PCYT1B: variants seen among roughly 807,000 people sequenced by gnomAD.
PCYT1B encodes choline-phosphate cytidylyltransferase B.
PCYT1B carries 10 observed loss-of-function variants against 26.4 expected under a neutral mutation model. The ratio of observed to expected loss-of-function variants is 0.38; its 90% CI spans 0.23 to 0.64. The LOEUF is 0.64. Ranked by LOEUF, PCYT1B falls within the 30% of genes least tolerant of loss-of-function variation. PCYT1B has a pLI of 0.56. For missense variants in PCYT1B, 161 were observed against 292.7 expected (o/e 0.55, Z 3.28); for synonymous variants, 131 against 108.4 (o/e 1.21, Z -1.29).
rs185422746 is a variant in PCYT1B at position 24,588,983 on chromosome X, G to A, written c.486+1040C>T. The stretch of plus-strand genomic sequence containing the variant: ...CAATGTATAATAACAACTTCTCAGG[G>A]TAGCTGTGAGATTGAATTCAATTCA... On this transcript the variant is annotated intron_variant, in intron 4 of 7. Coordinates refer to ENST00000379144, the MANE Select transcript of PCYT1B (RefSeq NM_004845.5). Among the ~76,000 whole-genome samples, 19 of 110,603 alleles carry A rather than the reference G, an allele frequency of 1.7e-4. No individual in the cohort carries two copies. In the East Asian group the frequency reaches 4.8e-3, roughly 28 times the overall value.
chrX:24,620,892 G>A (rs974448219), intron 1 of PCYT1B, among the ~76,000 whole-genome samples: 4 of 111,567 alleles, frequency 3.6e-5, no homozygotes, highest in East Asian at 2.8e-4. Flanking sequence ...CATTAAAGCC[G>A]CTGCTTGCTT....
At chrX:24,637,690 T>C (rs1286603370) in intron 1 of PCYT1B, among the ~76,000 whole-genome samples, 1 of 104,309 alleles carries the variant, frequency 9.6e-6, no homozygotes, top group Non-Finnish European at 1.9e-5. Context: ...TCTTTTTGGA[T>C]CTTTGGGAAA....
At position 24,577,950 on chromosome X, in the gene PCYT1B, TTTA is replaced by T. The variant is rs924808922; in HGVS notation, c.708+1363_708+1365del. 4.5e-5 allele frequency among the ~76,000 whole-genome samples: 5 copies of T among 110,809 alleles called. No homozygotes were observed. The Admixed American group carries it at 4.8e-4, about 11-fold the overall frequency. On this transcript the variant is annotated intron_variant, in intron 6 of 7. Transcript: ENST00000379144. ...TGTTTTGCTTATTTTAAAGATTGTT[TTTA>T]TTATTATTATTATATAAAAATGGCA... is the stretch of plus-strand genomic sequence containing the variant.
chrX:24,617,371 G>GTT (rs201674610), intron 2 of PCYT1B, among the ~76,000 whole-genome samples: 1,218 of 80,199 alleles, frequency 0.015, 12 homozygotes, highest in African/African-American at 0.034. Context: ...TGGTTTGTTT[G>GTT]TTTTTTTTTT....
intron 4 of PCYT1B, among the ~76,000 whole-genome samples, chrX:24,588,727 C>T (rs1190199742): frequency 9.0e-6 from 1 of 111,364 alleles, no homozygotes; most frequent in Non-Finnish European, 1.9e-5. Flanking sequence ...AGCTTTTACC[C>T]ACTAGAAGCC....
chrX:24,590,869 C>T (rs1924540743), intron 3 of PCYT1B, among the ~76,000 whole-genome samples: 1 of 104,024 alleles, frequency 9.6e-6, no homozygotes, highest in Non-Finnish European at 2.0e-5. Context: ...TCTCAGCTCA[C>T]TGCAAGCTTC....
At position 24,579,334 on chromosome X, in the gene PCYT1B, C is replaced by G; in HGVS notation, c.690G>C (p.Leu230=). The G allele has an allele frequency of 8.3e-7, 1 of 1,210,260 alleles. No individual in the cohort carries two copies. Among genetic ancestry groups the G allele is most frequent in the Non-Finnish European group, 1.1e-6 (1 of 894,498 alleles). Residue 230 remains leucine, a synonymous_variant, in exon 6 of 8, where the codon CTG becomes CTC. Coordinates refer to ENST00000379144, the MANE Select transcript of PCYT1B (RefSeq NM_004845.5). ...TGCTTACATTTATAAAGCTGACATT[C>G]AGTTCCTTGGCTGTATACCCTCTCT... ...NLQRGYTAKE[L]NVSFINEKRY... is the part of the protein sequence containing the mutation.
At chrX:24,618,353 C>T (rs1319289887) in intron 2 of PCYT1B, among the ~76,000 whole-genome samples, 1 of 111,866 alleles carries the variant, frequency 8.9e-6, no homozygotes, top group African/African-American at 3.2e-5. Flanking sequence ...ATCACAGAAA[C>T]CTTGTGAGGT....
intron 3 of PCYT1B, among the ~76,000 whole-genome samples, chrX:24,606,299 GA>G (rs1487416710): frequency 9.0e-6 from 1 of 111,383 alleles, no homozygotes; most frequent in Admixed American, 9.6e-5. Flanking sequence ...CCACCCAAAT[GA>G]CCAAAGCCCA....
intron 5 of PCYT1B, among the ~76,000 whole-genome samples, chrX:24,583,884 A>G (rs1289815369): frequency 8.9e-6 from 1 of 112,124 alleles, no homozygotes; most frequent in East Asian, 2.8e-4. Context: ...CTCTGGCCCC[A>G]CCAGACCTAC....
In PCYT1B at chrX:24,579,597, G is replaced by A. The variant is rs1045523265; in HGVS notation, c.566-139C>T. ...GAAGACTTTACGTCTGGCCCCAAGT[G>A]ACTCTTCCACCCTCAGTTCCGTGGA... is the stretch of plus-strand genomic sequence containing the variant. On this transcript the variant is annotated intron_variant, in intron 5 of 7. Transcript: ENST00000379144. The A allele has an allele frequency of 9.8e-5, 49 of 501,915 alleles. No individual in the cohort carries two copies. In the African/African-American group the frequency reaches 1.1e-3, roughly 11 times the overall value. 41.4% of individuals were successfully genotyped at this position (501,915 alleles called of 1,213,427 possible). A position where few individuals can be genotyped will look rare whatever the true frequency, so the allele number is the denominator to read the frequency against.
chrX:24,611,523 C>T (rs1032700192), intron 2 of PCYT1B, among the ~76,000 whole-genome samples: 7 of 111,304 alleles, frequency 6.3e-5, no homozygotes, highest in Non-Finnish European at 1.1e-4. Flanking sequence ...CGTGGAGAGA[C>T]GTTAAGGTGG....
intron 2 of PCYT1B, among the ~76,000 whole-genome samples, chrX:24,613,506 T>C (rs748749546): frequency 8.9e-6 from 1 of 111,926 alleles, no homozygotes; most frequent in Non-Finnish European, 1.9e-5. Flanking sequence ...TTAAGTAAAT[T>C]ACATCACAGA....
chrX:24,585,439 A>G (rs1924338785), intron 5 of PCYT1B, among the ~76,000 whole-genome samples: 1 of 111,877 alleles, frequency 8.9e-6, no homozygotes, highest in Non-Finnish European at 1.9e-5. Context: ...TATGGAAGGA[A>G]GCCAAGATTT....
In PCYT1B at chrX:24,561,679, C is replaced by T. The variant is rs992557991; in HGVS notation, c.*614G>A. 16 of 150,948 alleles carry T rather than the reference C, an allele frequency of 1.1e-4. No homozygotes were observed. The highest frequency in any genetic ancestry group is 4.0e-4 in the African/African-American group (13 of 32,451). 12.4% of individuals were successfully genotyped at this position (150,948 alleles called of 1,213,427 possible). ...TTTGAATAAAAAGTTAAGGTTCACA[C>T]TAGATGACCTTTTATAACCAGCCTA... On this transcript the variant is annotated 3_prime_UTR_variant, in exon 8 of 8. Transcript: ENST00000379144.
At chrX:24,626,185 TG>T (rs1925878700) in intron 1 of PCYT1B, among the ~76,000 whole-genome samples, 3 of 111,974 alleles carry the variant, frequency 2.7e-5, no homozygotes, top group Admixed American at 1.9e-4. Flanking sequence ...ATTAGTCACA[TG>T]GGGCTATTTA....
rs1314239671 is a variant in PCYT1B, at chrX:24,561,282, G to A, written c.*1011C>T. On this transcript the variant is annotated 3_prime_UTR_variant, in exon 8 of 8. Transcript: ENST00000379144. ...ACCACTATATACTCATATTGCACAT[G>A]GGATACACCCGGGGATGACATATTG... is the stretch of plus-strand genomic sequence containing the variant. 1 of 111,833 alleles carries A rather than the reference G, an allele frequency of 8.9e-6. No homozygotes were observed. The highest frequency in any genetic ancestry group is 3.3e-5 in the African/African-American group (1 of 30,613). The allele number at this position is 111,833 out of a possible 1,213,427, so 9.2% of individuals were successfully genotyped here.
chrX:24,647,122 C>T lies in PCYT1B; in HGVS notation c.-17G>A, dbSNP rs1272016243. On this transcript the variant is annotated 5_prime_UTR_variant, in exon 1 of 8. Coordinates refer to ENST00000379144, the MANE Select transcript of PCYT1B (RefSeq NM_004845.5). ...TACTGGCATGGCCAGTGAATGCTCCCTCTAGCTCTACACCCTCAGAGAGTC... is the reference window on the plus strand; with the variant it reads ...TACTGGCATGGCCAGTGAATGCTCCTTCTAGCTCTACACCCTCAGAGAGTC... 8.3e-7 allele frequency: 1 copy of T among 1,200,268 alleles called. No individual in the cohort carries two copies.
chrX:24,616,370 T>G (rs998992437), intron 2 of PCYT1B, among the ~76,000 whole-genome samples: 9 of 109,649 alleles, frequency 8.2e-5, no homozygotes, highest in African/African-American at 3.0e-4. Flanking sequence ...CCTGAGTAGC[T>G]GGGATTACAG....
Sources: gnomAD v4.1 joint callset for allele counts (sites outside exome capture counted in the v4.1 genomes callset) on GRCh38, gnomAD v4.1.1 for gene constraint, MANE v1.5 for transcripts, NCBI Gene and HGNC (gene_info 2026-07-23, HGNC 2026-07-21) for gene names.